Variants in NKAIN2 observed in about 807,000 individuals in gnomAD.
The protein encoded by NKAIN2 is sodium/potassium transporting ATPase interacting 2.
A neutral mutation model predicts 32.6 loss-of-function variants in NKAIN2; 14 were observed. The observed-to-expected ratio is 0.43, with a 90% confidence interval of 0.28 to 0.67. The LOEUF (loss-of-function observed/expected upper bound fraction) is 0.67, where lower values mean the gene tolerates loss of function less well. NKAIN2 is among the 30% of genes least tolerant of loss of function. The pLI, the probability that NKAIN2 is intolerant of heterozygous loss-of-function variation, is 0.17. For synonymous variants in NKAIN2, 80 were observed against 87.2 expected, an observed-to-expected ratio of 0.92 and a Z score of 0.46; for missense variants, 198 against 258.3, an observed-to-expected ratio of 0.77 and a Z score of 1.60.
intron 1 of NKAIN2, among the ~76,000 whole-genome samples, chr6:123,936,634 C>T (rs1776521877): frequency 6.6e-6 from 1 of 151,926 alleles, no homozygotes; most frequent in Non-Finnish European, 1.5e-5. Flanking sequence ...TAAATGAAGA[C>T]AAAATGTACA....
intron 1 of NKAIN2, among the ~76,000 whole-genome samples, chr6:124,263,719 TA>T (rs10713044): frequency 2.0e-5 from 3 of 152,204 alleles, no homozygotes; most frequent in East Asian, 1.9e-4. Flanking sequence ...TTTGTTTGTT[TA>T]ATTTAAACAG....
At chr6:124,382,509 C>A (rs1370546126) in intron 3 of NKAIN2, among the ~76,000 whole-genome samples, 3 of 152,126 alleles carry the variant, frequency 2.0e-5, no homozygotes, top group Admixed American at 2.0e-4. Flanking sequence ...CTTTTCCAAT[C>A]TGCTCAAGCT....
In NKAIN2 at chr6:123,831,285, G is replaced by GTA. The variant is rs537695289; in HGVS notation, c.54+27041_54+27042dup. ...AGCTATCTAATTTTATATATATAAT[G>GTA]TATATATATATGCATATTTATGACA... On this transcript the variant is annotated intron_variant, in intron 1 of 6. Transcript: ENST00000368417. 3.6e-4 allele frequency among the ~76,000 whole-genome samples: 55 copies of GTA among 151,294 alleles called. No individual in the cohort carries two copies. In the East Asian group the frequency reaches 4.7e-3, roughly 13 times the overall value.
At chr6:123,876,329 A>G (rs1322251280) in intron 1 of NKAIN2, among the ~76,000 whole-genome samples, 2 of 152,146 alleles carry the variant, frequency 1.3e-5, no homozygotes, top group East Asian at 3.8e-4. Context: ...ATGATTTTTC[A>G]GCTATTTAGA....
intron 3 of NKAIN2, among the ~76,000 whole-genome samples, chr6:124,404,963 CTT>C (rs1773784367): frequency 6.6e-6 from 1 of 152,016 alleles, no homozygotes; most frequent in East Asian, 1.9e-4. Context: ...TTTGTTGACT[CTT>C]ATACCTCAGT....
chr6:123,919,545 T>A (rs907482845), intron 1 of NKAIN2, among the ~76,000 whole-genome samples: 3 of 152,168 alleles, frequency 2.0e-5, no homozygotes, highest in Non-Finnish European at 4.4e-5. Context: ...TTGGGATAGT[T>A]CTACTGCAAA....
At chr6:124,226,414 T>C (rs907924294) in intron 1 of NKAIN2, among the ~76,000 whole-genome samples, 3 of 152,062 alleles carry the variant, frequency 2.0e-5, no homozygotes, top group African/African-American at 7.2e-5. Flanking sequence ...GTGTTCTAAC[T>C]TTTTGCTGTT....
At chr6:124,553,542 G>A (rs1780368709) in intron 3 of NKAIN2, among the ~76,000 whole-genome samples, 1 of 152,094 alleles carries the variant, frequency 6.6e-6, no homozygotes, top group African/African-American at 2.4e-5. Context: ...CCCGACCTCA[G>A]ATGATCCACC....
intron 2 of NKAIN2, among the ~76,000 whole-genome samples, chr6:124,300,040 C>T (rs1338773534): frequency 6.6e-6 from 1 of 152,146 alleles, no homozygotes; most frequent in Non-Finnish European, 1.5e-5. Flanking sequence ...CTGGAAATGT[C>T]ACCAACAAAT....
At chr6:124,336,735 T>G (rs9401731) in intron 2 of NKAIN2, among the ~76,000 whole-genome samples, 125,023 of 148,736 alleles carry the variant, frequency 0.84, 52,683 homozygotes, top group African/African-American at 0.88. Context: ...GTGCAGTGGC[T>G]AGATCTTGGC....
At chr6:124,303,242 A>G (rs1796370307) in intron 2 of NKAIN2, among the ~76,000 whole-genome samples, 1 of 152,260 alleles carries the variant, frequency 6.6e-6, no homozygotes, top group African/African-American at 2.4e-5. Flanking sequence ...ATCTTCCATG[A>G]AATGACCATA....
intron 1 of NKAIN2, among the ~76,000 whole-genome samples, chr6:124,174,908 T>TTGACCAC (rs1789080719): frequency 6.6e-6 from 1 of 152,202 alleles, no homozygotes; most frequent in Non-Finnish European, 1.5e-5. Context: ...TAGCTCCTTT[T>TTGACCAC]TGACCACTTA....
At chr6:123,807,123 G>A (rs571061675) in intron 1 of NKAIN2, among the ~76,000 whole-genome samples, 1 of 152,136 alleles carries the variant, frequency 6.6e-6, no homozygotes, top group African/African-American at 2.4e-5. Flanking sequence ...TTAATTTAAT[G>A]TTTGGCAGAC....
At chr6:124,090,623 CT>C (rs1244351022) in intron 1 of NKAIN2, among the ~76,000 whole-genome samples, 1 of 152,010 alleles carries the variant, frequency 6.6e-6, no homozygotes, top group East Asian at 1.9e-4. Flanking sequence ...CAGAAAGACA[CT>C]TAACTTCTCT....
intron 2 of NKAIN2, among the ~76,000 whole-genome samples, chr6:124,308,295 T>C (rs1796590848): frequency 6.6e-6 from 1 of 152,168 alleles, no homozygotes; most frequent in Non-Finnish European, 1.5e-5. Context: ...TCCAGCTTCA[T>C]CCATGTCCCT....
At chr6:124,443,059 T>A (rs995578269) in intron 3 of NKAIN2, among the ~76,000 whole-genome samples, 1 of 151,314 alleles carries the variant, frequency 6.6e-6, no homozygotes, top group Admixed American at 6.6e-5. Flanking sequence ...AGGTATTGTT[T>A]GCTTTTCTTG....
chr6:124,569,292 C>G (rs1183282919), intron 3 of NKAIN2, among the ~76,000 whole-genome samples: 2 of 152,184 alleles, frequency 1.3e-5, no homozygotes, highest in African/African-American at 2.4e-5. Context: ...TGCCACCTCT[C>G]ACAGATTTTT....
chr6:124,281,727 A>T (rs966769422), intron 1 of NKAIN2, among the ~76,000 whole-genome samples: 2 of 152,166 alleles, frequency 1.3e-5, no homozygotes, highest in Non-Finnish European at 2.9e-5. Context: ...TCAATGCCTG[A>T]TGGGAAAACG....
intron 1 of NKAIN2, among the ~76,000 whole-genome samples, chr6:124,189,717 G>A (rs1299656051): frequency 1.3e-5 from 2 of 151,990 alleles, no homozygotes; most frequent in Admixed American, 1.3e-4. Context: ...CAAAACACTT[G>A]GTACAAAAAT....
Sources: allele counts gnomAD v4.1 joint callset (sites outside exome capture counted in the v4.1 genomes callset), GRCh38; gene constraint gnomAD v4.1.1; transcripts MANE v1.5; gene names NCBI Gene and HGNC (gene_info 2026-07-23, HGNC 2026-07-21).